Variants in EBF1 observed in about 807,000 individuals in gnomAD.
EBF1 encodes EBF transcription factor 1, also known as transcription factor COE1.
EBF1 carries 10 observed loss-of-function variants against 68.4 expected under a neutral mutation model. The observed-to-expected ratio is 0.15, with a 90% CI of 0.09 to 0.25. EBF1 has a LOEUF of 0.25. Ranked by LOEUF, EBF1 falls within the 10% of genes least tolerant of loss-of-function variation. The pLI is 1.00. For missense variants in EBF1, 509 were observed against 794.4 expected, an observed-to-expected ratio of 0.64 and a Z score of 4.32; for synonymous variants, 298 against 299.8, an observed-to-expected ratio of 0.99 and a Z score of 0.06.
At chr5:158,917,703 T>C (rs941218993) in intron 6 of EBF1, among the ~76,000 whole-genome samples, 5 of 152,224 alleles carry the variant, frequency 3.3e-5, no homozygotes, top group Non-Finnish European at 5.9e-5. Flanking sequence ...AAGACAAATA[T>C]GGAGTAAATA....
intron 9 of EBF1, among the ~76,000 whole-genome samples, chr5:158,791,318 CAAA>C (rs70987931): frequency 1.0e-4 from 7 of 69,068 alleles, no homozygotes; most frequent in Non-Finnish European, 1.2e-4. Context: ...GATTCCATCT[CAAA>C]AAAAAAAAAA....
chr5:159,056,205 A>G (rs1774696784), intron 6 of EBF1, among the ~76,000 whole-genome samples: 1 of 152,228 alleles, frequency 6.6e-6, no homozygotes, highest in Non-Finnish European at 1.5e-5. Flanking sequence ...ACCTTTTAAA[A>G]TTAATTTTAG....
intron 6 of EBF1, among the ~76,000 whole-genome samples, chr5:158,938,989 T>G (rs1161410337): frequency 6.6e-6 from 1 of 152,162 alleles, no homozygotes. Context: ...ACATAACGTG[T>G]GCTTACTGGT....
At chr5:158,787,490 C>T (rs538077664) in intron 9 of EBF1, among the ~76,000 whole-genome samples, 1 of 152,094 alleles carries the variant, frequency 6.6e-6, no homozygotes, top group Admixed American at 6.6e-5. Flanking sequence ...TTTTGGCTTG[C>T]TTCTGGTTTC....
At chr5:159,078,902 C>T (rs1045128100) in intron 5 of EBF1, among the ~76,000 whole-genome samples, 3 of 152,160 alleles carry the variant, frequency 2.0e-5, no homozygotes, top group Admixed American at 1.3e-4. Context: ...GCAAGAAACA[C>T]CTAAATATTC....
intron 6 of EBF1, among the ~76,000 whole-genome samples, chr5:159,023,375 AC>A (rs2127720454): frequency 6.6e-6 from 1 of 152,302 alleles, no homozygotes; most frequent in East Asian, 1.9e-4. Flanking sequence ...GAACCAAGCA[AC>A]GCCTTTTGAC....
intron 11 of EBF1, among the ~76,000 whole-genome samples, chr5:158,722,230 A>G (rs539682729): frequency 1.2e-4 from 18 of 152,330 alleles, no homozygotes; most frequent in Middle Eastern, 3.4e-3. Context: ...GGTAGGTTGT[A>G]AAGTCAGCAC....
chr5:158,997,008 CA>C (rs1761552534), intron 6 of EBF1, among the ~76,000 whole-genome samples: 1 of 152,096 alleles, frequency 6.6e-6, no homozygotes, highest in Non-Finnish European at 1.5e-5. Flanking sequence ...GGCTCTGATC[CA>C]AATCTCAAGG....
chr5:158,725,001 G>A (rs1230186648), intron 11 of EBF1, among the ~76,000 whole-genome samples: 1 of 152,180 alleles, frequency 6.6e-6, no homozygotes, highest in African/African-American at 2.4e-5. Context: ...TATATTTAAG[G>A]ATGTTGCTGC....
At chr5:158,792,185 G>A (rs1290285960) in intron 9 of EBF1, among the ~76,000 whole-genome samples, 1 of 152,136 alleles carries the variant, frequency 6.6e-6, no homozygotes, top group Admixed American at 6.5e-5. Flanking sequence ...TTTAGAGTAG[G>A]ACAGGGCAAG....
chr5:158,785,692 TTAAAGA>T (rs1261899829), intron 9 of EBF1, among the ~76,000 whole-genome samples: 1 of 152,242 alleles, frequency 6.6e-6, no homozygotes, highest in East Asian at 1.9e-4. Context: ...ACATGAATCC[TTAAAGA>T]TAAACTTTAT....
chr5:159,064,536 A>C (rs961367698), intron 6 of EBF1, among the ~76,000 whole-genome samples: 8 of 152,134 alleles, frequency 5.3e-5, no homozygotes, highest in Non-Finnish European at 1.0e-4. Flanking sequence ...ACGTGCTCTA[A>C]AACGCTGGAA....
At chr5:158,976,372 A>G (rs1394117067) in intron 6 of EBF1, among the ~76,000 whole-genome samples, 2 of 150,192 alleles carry the variant, frequency 1.3e-5, no homozygotes, top group Non-Finnish European at 3.0e-5. Context: ...TTGATTTCAC[A>G]CCAGTTATGT....
intron 6 of EBF1, among the ~76,000 whole-genome samples, chr5:159,060,739 C>T (rs963402833): frequency 1.3e-5 from 2 of 152,106 alleles, no homozygotes; most frequent in East Asian, 1.9e-4. Context: ...ATATCACCCT[C>T]GTCCTTATTT....
At chr5:159,032,016 C>T (rs1769008482) in intron 6 of EBF1, among the ~76,000 whole-genome samples, 1 of 152,018 alleles carries the variant, frequency 6.6e-6, no homozygotes, top group Non-Finnish European at 1.5e-5. Context: ...TTCTAGGTTA[C>T]CTGGTGAATA....
At chr5:158,715,425 T>A (rs1760439945) in intron 11 of EBF1, among the ~76,000 whole-genome samples, 1 of 152,198 alleles carries the variant, frequency 6.6e-6, no homozygotes, top group South Asian at 2.1e-4. Context: ...CATATTAGCA[T>A]TTTTCAATTT....
At chr5:158,824,071 T>C (rs764578722) in intron 7 of EBF1, among the ~76,000 whole-genome samples, 32 of 152,100 alleles carry the variant, frequency 2.1e-4, no homozygotes, top group Non-Finnish European at 4.1e-4. Flanking sequence ...ACTAAAACAA[T>C]GAGAAGAAAT....
At chr5:158,761,170 G>A (rs1368350677) in intron 10 of EBF1, among the ~76,000 whole-genome samples, 1 of 152,042 alleles carries the variant, frequency 6.6e-6, no homozygotes, top group Non-Finnish European at 1.5e-5. Context: ...TCAGTTAAAG[G>A]GCCAATGCAA....
chr5:158,976,207 T>C (rs1160918032), intron 6 of EBF1, among the ~76,000 whole-genome samples: 2 of 152,340 alleles, frequency 1.3e-5, no homozygotes, highest in East Asian at 3.9e-4. Flanking sequence ...TCCTGTAATG[T>C]TACAAAAAGA....
Sources: gnomAD v4.1 joint callset for allele counts (sites outside exome capture counted in the v4.1 genomes callset) on GRCh38, gnomAD v4.1.1 for gene constraint, MANE v1.5 for transcripts, NCBI Gene and HGNC (gene_info 2026-07-23, HGNC 2026-07-21) for gene names.